The following DENND4B variants were observed in gnomAD, a reference collection of about 807,000 sequenced individuals.
DENND4B encodes the protein DENN domain-containing protein 4B.
A neutral mutation model predicts 161.0 loss-of-function variants in DENND4B; 67 were observed. The observed-to-expected ratio is 0.42, with a 90% CI of 0.34 to 0.51. The LOEUF is 0.51. Among genes scored for constraint, DENND4B ranks in the 20% least tolerant of loss-of-function variants. The pLI is 0.08. For missense variants in DENND4B, 1,481 were observed against 1,968.0 expected (o/e 0.75, Z 4.68); for synonymous variants, 753 against 813.8 (o/e 0.93, Z 1.27).
At chr1:153,931,496 CTTTT>C (rs1157104732) in intron 24 of DENND4B, among the ~76,000 whole-genome samples, 2 of 134,088 alleles carry the variant, frequency 1.5e-5, no homozygotes. Context: ...TATGCTCTTT[CTTTT>C]TTTTTTTTTT....
At chr1:153,931,194 T>G in intron 24 of DENND4B, 130 bp from the exon 25 acceptor site, 2 of 723,112 alleles carry the variant, frequency 2.8e-6, no homozygotes, top group Non-Finnish European at 4.6e-6. Flanking sequence ...GGGAAAGGAA[T>G]TCTTATCCCC....
In DENND4B at chr1:153,937,747, G is replaced by A. The variant is rs763211481; in HGVS notation, c.2082C>T (p.Gly694=). The change falls in exon 14 of 28, where the codon GGC becomes GGT. Residue 694 remains glycine, a synonymous_variant. Transcript: ENST00000361217. This position sits in a 1 kb window ranked among gnomAD's most constrained non-coding sequence, Gnocchi z 4.7. ...ACCAGTACTGGGGAGTGGATTCACT[G>A]CCCTCTGGTAAGGCAGGCTCCTCGG... is the stretch of plus-strand genomic sequence containing the variant. ...TPPEEPALPE[G]SESTPQYCYD... is the part of the protein sequence containing the mutation. The A allele has an allele frequency of 9.3e-6, 15 of 1,613,906 alleles. No homozygotes were observed. Among genetic ancestry groups the A allele is most frequent in the Non-Finnish European group, 1.3e-5 (15 of 1,179,904 alleles).
In DENND4B at chr1:153,934,313, C is replaced by A. The variant is rs373379558; in HGVS notation, c.2774-11G>T. The A allele has an allele frequency of 4.4e-6, 7 of 1,575,318 alleles. No homozygotes were observed. In the East Asian group the frequency reaches 1.6e-4, roughly 36 times the overall value. On this transcript the variant is annotated splice_polypyrimidine_tract_variant and intron_variant, in intron 18 of 27. Transcript: ENST00000361217. The surrounding 1 kb of genome is among the most constrained non-coding windows in gnomAD (Gnocchi z 5.3). The stretch of plus-strand genomic sequence containing the variant: ...GCTCCAAATAGGGCTCTGTAAAAGA[C>A]GAGAAGGGGTTTAGAGGCGGCCAGC...
In DENND4B at chr1:153,930,286, G is replaced by A. The variant is rs1424342610; in HGVS notation, c.*11C>T. On this transcript the variant is annotated 3_prime_UTR_variant, in exon 28 of 28. Transcript: ENST00000361217. This position sits in a 1 kb window ranked among gnomAD's most constrained non-coding sequence, Gnocchi z 4.7. ...TCCCCACCCTAGGCTGGAGAGGGAA[G>A]CTTAAGGTCTCTAGCATTCTGGAGG... is the stretch of plus-strand genomic sequence containing the variant. 6.2e-7 allele frequency: 1 copy of A among 1,610,978 alleles called. No homozygotes were observed. The highest frequency in any genetic ancestry group is 1.1e-5 in the South Asian group (1 of 91,012).
At position 153,946,306 on chromosome 1, in the gene DENND4B, C is replaced by T. The variant is rs1306002545; in HGVS notation, c.-29G>A. On this transcript the variant is annotated 5_prime_UTR_variant, in exon 1 of 28. Coordinates refer to ENST00000361217, the MANE Select transcript of DENND4B (RefSeq NM_014856.3). This position sits in a 1 kb window ranked among gnomAD's most constrained non-coding sequence, Gnocchi z 6.3. Reference sequence around the variant, plus strand: ...CCGGTCCAGCCCCTACCTGCCTGTCCCGCGCTTCCCGGCCGGCCGGCCCGC... The same window carrying T: ...CCGGTCCAGCCCCTACCTGCCTGTCTCGCGCTTCCCGGCCGGCCGGCCCGC... 2.8e-6 allele frequency: 1 copy of T among 357,016 alleles called. No homozygotes were observed. The highest frequency in any genetic ancestry group is 5.0e-6 in the Non-Finnish European group (1 of 199,164). The allele number at this position is 357,016 out of a possible 1,614,324, so 22.1% of individuals were successfully genotyped here.
chr1:153,941,172 C>T, intron 8 of DENND4B, 59 bp downstream of exon 8: 4 of 1,602,330 alleles, frequency 2.5e-6, no homozygotes, highest in Non-Finnish European at 3.4e-6. Flanking sequence ...ACCCACCTGC[C>T]CAGCACCTAC....
chr1:153,938,920 A>T lies in DENND4B; in HGVS notation c.1945T>A (p.Phe649Ile). ...GATACCTTTTCAACACAAGAGTCAA[A>T]GAATTCAAGGGCAGCATGGCGAGCA... The part of the protein sequence containing the change: ...GSARHAALEF[F>I]DSCVEKVHPE... Residue 649 changes from phenylalanine (F) to isoleucine (I), a missense_variant, in exon 13 of 28, where the codon TTT becomes ATT. Phe to Ile is a conservative substitution (Grantham distance 21, BLOSUM62 0). Transcript: ENST00000361217. 6.3e-7 allele frequency: 1 copy of T among 1,594,856 alleles called. No homozygotes were observed.
At position 153,942,660 on chromosome 1, in the gene DENND4B, T is replaced by C; in HGVS notation, c.571-35A>G. 1 of 1,554,582 alleles carries C rather than the reference T, an allele frequency of 6.4e-7. No homozygotes were observed. The highest frequency in any genetic ancestry group is 8.7e-7 in the Non-Finnish European group (1 of 1,152,614). On this transcript the variant is annotated intron_variant, in intron 3 of 27. Coordinates refer to ENST00000361217, the MANE Select transcript of DENND4B (RefSeq NM_014856.3). The surrounding 1 kb of genome is among the most constrained non-coding windows in gnomAD (Gnocchi z 6.9). ...AAATGGCAAGAGACAAGCAGATACATAGCTAACAAAGGTTTCTGGGGTCCA... is the reference window on the plus strand; with the variant it reads ...AAATGGCAAGAGACAAGCAGATACACAGCTAACAAAGGTTTCTGGGGTCCA...
At position 153,942,863 on chromosome 1, in the gene DENND4B, C is replaced by T; in HGVS notation, c.570+15G>A. ...ACACCAAGAGGACCAGGTGTCAGCT[C>T]TTGGCCCCACTCACCATGCCAGGGT... On this transcript the variant is annotated intron_variant, in intron 3 of 27. Coordinates refer to ENST00000361217, the MANE Select transcript of DENND4B (RefSeq NM_014856.3). The surrounding 1 kb of genome is among the most constrained non-coding windows in gnomAD (Gnocchi z 6.9). The T allele has an allele frequency of 1.3e-6, 2 of 1,586,224 alleles. No homozygotes were observed. The highest frequency in any genetic ancestry group is 1.7e-6 in the Non-Finnish European group (2 of 1,161,832).
At chr1:153,945,311 T>G in intron 1 of DENND4B, 2 of 486,730 alleles carry the variant, frequency 4.1e-6, no homozygotes, top group African/African-American at 2.0e-5. Context: ...AAGCTGCAAC[T>G]CAGAGGAAGT....
At chr1:153,941,774 A>AGGGGGG in intron 6 of DENND4B, 95 bp downstream of exon 6, 11 of 618,094 alleles carry the variant, frequency 1.8e-5, no homozygotes, top group East Asian at 4.9e-5. Flanking sequence ...CCCTGTGCCC[A>AGGGGGG]GCCCTCCCCC....
At chr1:153,945,772 G>A (rs1361158451) in intron 1 of DENND4B, among the ~76,000 whole-genome samples, 1 of 152,234 alleles carries the variant, frequency 6.6e-6, no homozygotes, top group Non-Finnish European at 1.5e-5. Context: ...ACCTTCTGAG[G>A]GGCAAGTGGG....
At chr1:153,941,494 C>G (rs1001699815) in intron 6 of DENND4B, 54 bp from the exon 7 acceptor site, 2 of 1,540,738 alleles carry the variant, frequency 1.3e-6, no homozygotes, top group Non-Finnish European at 1.8e-6. Context: ...CCCTGTCCTC[C>G]CTCCACATTT....
Position 153,933,776 on chromosome 1 carries a change from G to A in DENND4B, c.3037C>T (p.Leu1013Phe). ...GAGCCCCCTGGGCTGCCTCCAGGGA[G>A]CGGCTCCTCCCCTGTCAGGCTCAGG... ...SDLSLTGEEP[L>F]PGGSPGGSGS... is the part of the protein sequence containing the mutation. The change falls in exon 20 of 28, where the codon CTC becomes TTC. Residue 1013 changes from leucine (L) to phenylalanine (F), a missense_variant. Physicochemically the swap from Leu to Phe is conservative, Grantham distance 22. Coordinates refer to ENST00000361217, the MANE Select transcript of DENND4B (RefSeq NM_014856.3). This position sits in a 1 kb window ranked among gnomAD's most constrained non-coding sequence, Gnocchi z 5.7. 1 of 1,610,588 alleles carries A rather than the reference G, an allele frequency of 6.2e-7. No individual in the cohort carries two copies. Among genetic ancestry groups the A allele is most frequent in the South Asian group, 1.1e-5 (1 of 90,556 alleles).
Position 153,937,589 on chromosome 1 carries a change from C to T in DENND4B, c.2131G>A (p.Ala711Thr). ...TCTTGAAGAGACTCAAACAACTCAG[C>T]CCGTAGCTCTGGGAATCCATCATAG... is the stretch of plus-strand genomic sequence containing the variant. Reference protein sequence around the residue: ...YCYDGFPELRAELFESLQEQP... With the variant: ...YCYDGFPELRTELFESLQEQP... Residue 711 changes from alanine to threonine, a missense_variant, in exon 15 of 28, where the codon GCT becomes ACT. By Grantham distance (58) the Ala-to-Thr change is moderately conservative. Around this residue, in one of 3 missense-constraint regions of DENND4B, gnomAD observed 806 missense variants for 1,134.4 expected, o/e 0.71. Coordinates refer to ENST00000361217, the MANE Select transcript of DENND4B (RefSeq NM_014856.3). The surrounding 1 kb of genome is among the most constrained non-coding windows in gnomAD (Gnocchi z 4.7). The T allele has an allele frequency of 6.2e-7, 1 of 1,613,050 alleles. No individual in the cohort carries two copies. The highest frequency in any genetic ancestry group is 8.5e-7 in the Non-Finnish European group (1 of 1,179,374).
intron 12 of DENND4B, 108 bp downstream of exon 12, chr1:153,939,481 G>A: frequency 8.0e-7 from 1 of 1,249,366 alleles, no homozygotes; most frequent in Non-Finnish European, 1.1e-6. Context: ...CCTAGTGAAG[G>A]AATAAACAAT....
intron 6 of DENND4B, 96 bp downstream of exon 6, chr1:153,941,773 C>CTGGGGGGGGGGGGGG: frequency 7.0e-7 from 1 of 1,426,302 alleles, no homozygotes; most frequent in Non-Finnish European, 9.6e-7. Flanking sequence ...ACCCTGTGCC[C>CTGGGGGGGGGGGGGG]AGCCCTCCCC....
intron 6 of DENND4B, 94 bp downstream of exon 6, chr1:153,941,775 G>GGCCGGCC: frequency 7.5e-7 from 1 of 1,338,174 alleles, no homozygotes; most frequent in Non-Finnish European, 1.0e-6. Context: ...CCTGTGCCCA[G>GGCCGGCC]CCCTCCCCCC....
chr1:153,934,963 G>T lies in DENND4B; in HGVS notation c.2570C>A (p.Ala857Asp). Residue 857 changes from alanine to aspartate, a missense_variant and splice_region_variant, in exon 18 of 28, where the codon GCT becomes GAT. Physicochemically the swap from Ala to Asp is moderately radical, Grantham distance 126. Around this residue, in one of 3 missense-constraint regions of DENND4B, gnomAD observed 339 missense variants for 330.3 expected, o/e 1.03. Coordinates refer to ENST00000361217, the MANE Select transcript of DENND4B (RefSeq NM_014856.3). This position sits in a 1 kb window ranked among gnomAD's most constrained non-coding sequence, Gnocchi z 5.3. Reference protein sequence around the residue: ...NTITYGYYNKAVLESKWPSGT... With the variant: ...NTITYGYYNKDVLESKWPSGT... ...AGACGGCCACTTGCTTTCCAACACA[G>T]CCTACCAAGCACAGTGCCCATCAGG... The T allele has an allele frequency of 6.2e-7, 1 of 1,610,618 alleles. No homozygotes were observed.
Sources: gnomAD v4.1 joint callset for allele counts (sites outside exome capture counted in the v4.1 genomes callset) on GRCh38, gnomAD v4.1.1 for gene constraint, gnomAD v4.1.1 regional missense constraint, Gnocchi (gnomAD v3.1) non-coding constraint, MANE v1.5 for transcripts, NCBI Gene and HGNC (gene_info 2026-07-23, HGNC 2026-07-21) for gene names.